The following PTPRK variants were observed in gnomAD, a reference collection of about 807,000 sequenced individuals.
PTPRK encodes protein tyrosine phosphatase receptor type K, also known as receptor-type tyrosine-protein phosphatase kappa.
In PTPRK, 75 loss-of-function variants were observed where a neutral mutation model predicts 178.0. The ratio of observed to expected loss-of-function variants is 0.42; its 90% CI spans 0.35 to 0.51. The LOEUF (loss-of-function observed/expected upper bound fraction) is 0.51, where lower values mean the gene tolerates loss of function less well. Ranked by LOEUF, PTPRK falls within the 20% of genes least tolerant of loss-of-function variation. The pLI is 0.02. For synonymous variants in PTPRK, 637 were observed against 620.6 expected, an observed-to-expected ratio of 1.03 and a Z score of -0.39; for missense variants, 1,441 against 1,797.8, an observed-to-expected ratio of 0.80 and a Z score of 3.59.
intron 1 of PTPRK, among the ~76,000 whole-genome samples, chr6:128,426,367 AT>A (rs1287683151): frequency 6.6e-6 from 1 of 152,074 alleles, no homozygotes. Flanking sequence ...TTTTTCTTTC[AT>A]TATCTAACAC....
At chr6:128,223,018 A>T (rs1038855006) in intron 5 of PTPRK, among the ~76,000 whole-genome samples, 4 of 152,242 alleles carry the variant, frequency 2.6e-5, no homozygotes, top group East Asian at 3.9e-4. Context: ...CTGCCTCAAA[A>T]ACTCTATAAA....
chr6:128,512,050 T>TA (rs201863846), intron 1 of PTPRK, among the ~76,000 whole-genome samples: 279 of 152,186 alleles, frequency 1.8e-3, no homozygotes, highest in African/African-American at 6.4e-3. Flanking sequence ...GCAGTACTAG[T>TA]AAAAAAGACA....
chr6:128,221,773 AT>A (rs1251696553), intron 5 of PTPRK, among the ~76,000 whole-genome samples: 1 of 151,958 alleles, frequency 6.6e-6, no homozygotes, highest in African/African-American at 2.4e-5. Context: ...TTGCAGCAAG[AT>A]CCCCCACTCA....
At chr6:128,250,421 CACA>C (rs1816281133) in intron 3 of PTPRK, among the ~76,000 whole-genome samples, 1 of 152,282 alleles carries the variant, frequency 6.6e-6, no homozygotes, top group South Asian at 2.1e-4. Flanking sequence ...TCATGTTCCT[CACA>C]ACATCATTGA....
chr6:128,202,262 C>A (rs1490530359), intron 6 of PTPRK, among the ~76,000 whole-genome samples: 5 of 152,286 alleles, frequency 3.3e-5, no homozygotes, highest in African/African-American at 9.6e-5. Flanking sequence ...CACTCCCAGC[C>A]AGGGGAAGCG....
chr6:128,104,652 T>C (rs1789383391), intron 7 of PTPRK, among the ~76,000 whole-genome samples: 2 of 152,162 alleles, frequency 1.3e-5, no homozygotes, highest in South Asian at 2.1e-4. Context: ...GTTCCTGGCA[T>C]ATAAGTGACC....
At chr6:128,190,255 T>C (rs758848051) in intron 6 of PTPRK, among the ~76,000 whole-genome samples, 10 of 152,164 alleles carry the variant, frequency 6.6e-5, no homozygotes, top group Non-Finnish European at 1.2e-4. Flanking sequence ...GATTTCACAC[T>C]GTTATTTTTC....
intron 2 of PTPRK, among the ~76,000 whole-genome samples, chr6:128,380,230 T>C (rs1311493498): frequency 2.0e-5 from 3 of 152,150 alleles, no homozygotes; most frequent in Non-Finnish European, 2.9e-5. Flanking sequence ...TAAAGAATTT[T>C]ACATCCTTTA....
intron 14 of PTPRK, among the ~76,000 whole-genome samples, chr6:128,006,784 A>G (rs1389418947): frequency 6.6e-6 from 1 of 151,050 alleles, no homozygotes; most frequent in Admixed American, 6.6e-5. Flanking sequence ...CGATTAAATT[A>G]AAAAATGACA....
At chr6:127,972,316 T>C (rs1774020835) in intron 29 of PTPRK, among the ~76,000 whole-genome samples, 1 of 152,260 alleles carries the variant, frequency 6.6e-6, no homozygotes, top group Non-Finnish European at 1.5e-5. Context: ...GCTCCCAACC[T>C]GATCCCACCA....
intron 2 of PTPRK, among the ~76,000 whole-genome samples, chr6:128,382,770 C>T (rs900160682): frequency 6.6e-6 from 1 of 151,964 alleles, no homozygotes; most frequent in South Asian, 2.1e-4. Context: ...ATTGACCATC[C>T]ATTTCTCTTT....
At chr6:128,391,728 C>T (rs1238108241) in intron 2 of PTPRK, among the ~76,000 whole-genome samples, 4 of 152,082 alleles carry the variant, frequency 2.6e-5, no homozygotes, top group East Asian at 1.9e-4. Flanking sequence ...GTCAACATAA[C>T]TTCCTTGAAA....
At chr6:128,325,231 T>G (rs2128322775) in intron 2 of PTPRK, among the ~76,000 whole-genome samples, 1 of 152,270 alleles carries the variant, frequency 6.6e-6, no homozygotes, top group Non-Finnish European at 1.5e-5. Flanking sequence ...AAGTGCAACC[T>G]TTATAGACAG....
intron 2 of PTPRK, among the ~76,000 whole-genome samples, chr6:128,333,770 A>G (rs1012696663): frequency 1.3e-5 from 2 of 152,106 alleles, no homozygotes; most frequent in Non-Finnish European, 2.9e-5. Context: ...AGCACTTCCA[A>G]TTTCCTTCAA....
intron 3 of PTPRK, among the ~76,000 whole-genome samples, chr6:128,252,579 C>G (rs1816634104): frequency 1.3e-5 from 2 of 152,144 alleles, no homozygotes; most frequent in Admixed American, 6.5e-5. Flanking sequence ...TCTGCATATT[C>G]TCTATATCAT....
intron 2 of PTPRK, among the ~76,000 whole-genome samples, chr6:128,352,573 C>CT (rs1417906127): frequency 1.3e-5 from 2 of 152,100 alleles, no homozygotes; most frequent in Admixed American, 1.3e-4. Flanking sequence ...CCATACTGAA[C>CT]TTTTTTTATT....
At chr6:127,978,072 T>G (rs1774819918) in intron 25 of PTPRK, among the ~76,000 whole-genome samples, 1 of 152,212 alleles carries the variant, frequency 6.6e-6, no homozygotes, top group African/African-American at 2.4e-5. Flanking sequence ...CTACCAACCA[T>G]GGCATTCAGC....
chr6:128,440,604 C>T (rs953144945), intron 1 of PTPRK, among the ~76,000 whole-genome samples: 15 of 151,880 alleles, frequency 9.9e-5, no homozygotes, highest in Non-Finnish European at 1.9e-4. Flanking sequence ...TATCTGTATG[C>T]GTGTGTGTAT....
At chr6:128,454,685 TTTACTAATATAGGCATCTCAG>T (rs1008882729) in intron 1 of PTPRK, among the ~76,000 whole-genome samples, 12 of 152,138 alleles carry the variant, frequency 7.9e-5, no homozygotes, top group African/African-American at 2.9e-4. Context: ...AAATGTTATA[TTTACTAATATAGGCATCTCAG>T]CACTGTTCTT....
Sources: gnomAD v4.1 joint callset for allele counts (sites outside exome capture counted in the v4.1 genomes callset) on GRCh38, gnomAD v4.1.1 for gene constraint, MANE v1.5 for transcripts, NCBI Gene and HGNC (gene_info 2026-07-23, HGNC 2026-07-21) for gene names.